Variants in ITGB2 observed in about 807,000 individuals in gnomAD.
ITGB2 encodes the protein integrin beta-2.
A neutral mutation model predicts 86.8 loss-of-function variants in ITGB2; 56 were observed. The ratio of observed to expected loss-of-function variants is 0.65; its 90% CI spans 0.52 to 0.81. ITGB2 has a LOEUF of 0.81. ITGB2 is among the 30% of genes least tolerant of loss of function. The pLI, the probability that ITGB2 is intolerant of heterozygous loss-of-function variation, is 0.00. For synonymous variants in ITGB2, 457 were observed against 450.4 expected, an observed-to-expected ratio of 1.01 and a Z score of -0.19; for missense variants, 948 against 1,061.2, an observed-to-expected ratio of 0.89 and a Z score of 1.48.
At chr21:44,894,923 A>T in intron 9 of ITGB2, 48 bp downstream of exon 9, 1 of 1,289,576 alleles carries the variant, frequency 7.8e-7, no homozygotes. Flanking sequence ...CAGTGGGGAG[A>T]TTGCTGGCCA....
chr21:44,891,186 G>A (rs541852813), intron 11 of ITGB2, among the ~76,000 whole-genome samples: 8 of 152,210 alleles, frequency 5.3e-5, no homozygotes, highest in South Asian at 2.1e-4. Flanking sequence ...CGGGCAGGCC[G>A]CCTGGCTGAG....
rs768833543 is a variant in ITGB2 at position 44,901,642 on chromosome 21, C to G, written c.591G>C (p.Glu197Asp). The change falls in exon 6 of 16, where the codon GAG (glutamate) becomes GAC (aspartate). Residue 197 changes from glutamate to aspartate, a missense_variant. Physicochemically the swap from Glu to Asp is conservative, Grantham distance 45 (BLOSUM62 2). Coordinates refer to ENST00000652462, the MANE Select transcript of ITGB2 (RefSeq NM_000211.5). Reference sequence around the variant, plus strand: ...GCCTGAAGGCAAACGGGGGCTGGCACTCTTTCTCCTTGTTGGGGCATGGGT... The same window carrying G: ...GCCTGAAGGCAAACGGGGGCTGGCAGTCTTTCTCCTTGTTGGGGCATGGGT... ...LRNPCPNKEKECQPPFAFRHV... is the reference protein window; with the variant it reads ...LRNPCPNKEKDCQPPFAFRHV... The G allele has an allele frequency of 5.3e-5, 86 of 1,614,144 alleles. No homozygotes were observed. The highest frequency in any genetic ancestry group is 7.2e-5 in the Non-Finnish European group (85 of 1,180,056).
At position 44,915,510 on chromosome 21, in the gene ITGB2, C is replaced by T. The variant is rs73376524; in HGVS notation, c.-3-4725G>A. ...TCGGAGGTGCGCGGGAAGTGATGGA[C>T]GATGCCGCCAGGGGACAAGGTTGGA... On this transcript the variant is annotated intron_variant, in intron 1 of 15. Coordinates refer to ENST00000652462, the MANE Select transcript of ITGB2 (RefSeq NM_000211.5). Among the ~76,000 whole-genome samples, 576 of 152,254 alleles carry T rather than the reference C, an allele frequency of 3.8e-3. 5 individuals carry two copies. The highest frequency in any genetic ancestry group is 0.013 in the African/African-American group (539 of 41,520).
intron 1 of ITGB2, among the ~76,000 whole-genome samples, chr21:44,913,704 C>T (rs1043712249): frequency 3.9e-5 from 6 of 152,198 alleles, no homozygotes; most frequent in Non-Finnish European, 8.8e-5. Flanking sequence ...TGTGGGAGAA[C>T]AGGGCAGGGC....
At position 44,919,319 on chromosome 21, in the gene ITGB2, C is replaced by T. The variant is rs941802290; in HGVS notation, c.-4+1502G>A. ...TCTTCCCAGCAGAGGGACTCCCCCA[C>T]TCATCCCCAGAATACTGAGGGGCAC... On this transcript the variant is annotated intron_variant, in intron 1 of 15. Transcript: ENST00000652462. Among the ~76,000 whole-genome samples the T allele has an allele frequency of 1.2e-4, 18 of 152,376 alleles. 1 individual carries two copies. In the South Asian group the frequency reaches 3.1e-3, roughly 26 times the overall value.
In ITGB2 at chr21:44,910,765, G is replaced by A. The variant is rs2146547408; in HGVS notation, c.18C>T (p.Pro6=). The A allele has an allele frequency of 6.2e-7, 1 of 1,613,886 alleles. No homozygotes were observed. The highest frequency in any genetic ancestry group is 8.5e-7 in the Non-Finnish European group (1 of 1,179,950). MLGLR[P]PLLALVGLLS... ...GCAGCCCCACCAGGGCGAGCAGTGG[G>A]GGGCGCAGGCCCAGCATGTCCTGTG... Residue 6 remains proline (P), a synonymous_variant, in exon 2 of 16, where the codon CCC becomes CCT. Transcript: ENST00000652462.
At position 44,911,675 on chromosome 21, in the gene ITGB2, A is replaced by C. The variant is rs535404670; in HGVS notation, c.-3-890T>G. 3.3e-5 allele frequency among the ~76,000 whole-genome samples: 5 copies of C among 152,322 alleles called. No homozygotes were observed. The South Asian group carries it at 1.0e-3, about 32-fold the overall frequency. On this transcript the variant is annotated intron_variant, in intron 1 of 15. Coordinates refer to ENST00000652462, the MANE Select transcript of ITGB2 (RefSeq NM_000211.5). ...GCCGGGGTCCTGCCCTTTTGTTTCC[A>C]GATACACACCCACCCCGTCCTTAAC...
intron 9 of ITGB2, chr21:44,893,982 A>T (rs966587094): frequency 3.3e-6 from 1 of 307,184 alleles, no homozygotes; most frequent in African/African-American, 2.2e-5. Context: ...ACAGACAGAG[A>T]TGGGGCAGAG....
upstream of ITGB2, among the ~76,000 whole-genome samples, chr21:44,923,895 G>A (rs965422220): frequency 2.6e-5 from 4 of 152,094 alleles, no homozygotes; most frequent in Non-Finnish European, 2.9e-5. Context: ...GAAAATACAC[G>A]TATGTGCTAG....
In ITGB2 at chr21:44,901,606, C is replaced by A; in HGVS notation, c.627G>T (p.Lys209Asn). ...GAAACTGGTTGGAGTTGTTGGTCAGCTTCAGCACGTGCCTGAAGGCAAACG... is the reference window on the plus strand; with the variant it reads ...GAAACTGGTTGGAGTTGTTGGTCAGATTCAGCACGTGCCTGAAGGCAAACG... ...QPPFAFRHVL[K>N]LTNNSNQFQT... is the part of the protein sequence containing the mutation. The change falls in exon 6 of 16, where the codon AAG becomes AAT. Residue 209 changes from lysine (K) to asparagine (N), a missense_variant. Lys to Asn is a moderately conservative substitution (Grantham distance 94). Transcript: ENST00000652462. 6.2e-7 allele frequency: 1 copy of A among 1,614,262 alleles called. No individual in the cohort carries two copies. Among genetic ancestry groups the A allele is most frequent in the Non-Finnish European group, 8.5e-7 (1 of 1,180,048 alleles).
At chr21:44,900,546 G>C in intron 6 of ITGB2, 71 bp from the exon 7 acceptor site, 10 of 1,586,888 alleles carry the variant, frequency 6.3e-6, no homozygotes, top group Non-Finnish European at 8.6e-6. Context: ...GAGCAGAGGA[G>C]ACGATGCAGA....
At chr21:44,897,084 G>A (rs896374011) in intron 8 of ITGB2, among the ~76,000 whole-genome samples, 19 of 152,046 alleles carry the variant, frequency 1.2e-4, no homozygotes, top group African/African-American at 4.6e-4. Flanking sequence ...AGCTCTGGGT[G>A]CCCACTCGGA....
At position 44,889,505 on chromosome 21, in the gene ITGB2, G is replaced by C. The variant is rs377760671; in HGVS notation, c.1658-10C>G. On this transcript the variant is annotated splice_polypyrimidine_tract_variant and intron_variant, in intron 12 of 15. Coordinates refer to ENST00000652462, the MANE Select transcript of ITGB2 (RefSeq NM_000211.5). The stretch of plus-strand genomic sequence containing the variant: ...AAGCAGAGCCCCCTCCCTGGAAGAC[G>C]GGGCAGCACGGCTAAGCTCCTGCTT... 5.8e-6 allele frequency: 9 copies of C among 1,552,932 alleles called. No individual in the cohort carries two copies. The highest frequency in any genetic ancestry group is 1.4e-5 in the African/African-American group (1 of 73,288).
exon 1 of ITGB2, chr21:44,928,667 C>T (rs1161857387): frequency 6.1e-6 from 1 of 163,198 alleles, no homozygotes; most frequent in Non-Finnish European, 1.3e-5. Flanking sequence ...AACTGAGGCT[C>T]TGCCCTGGAC....
In ITGB2 at chr21:44,886,218, C is replaced by G; in HGVS notation, c.*150G>C. On this transcript the variant is annotated 3_prime_UTR_variant, in exon 16 of 16. Coordinates refer to ENST00000652462, the MANE Select transcript of ITGB2 (RefSeq NM_000211.5). ...CCCCCGACGAGCCCCCAGAAGCACC[C>G]GGCCGGCCATGGCTGTCATTTTGAG... The G allele has an allele frequency of 1.3e-6, 1 of 766,506 alleles. No individual in the cohort carries two copies. The highest frequency in any genetic ancestry group is 2.6e-5 in the East Asian group (1 of 37,898). 47.5% of individuals were successfully genotyped at this position (766,506 alleles called of 1,614,324 possible). A position where few individuals can be genotyped will look rare whatever the true frequency, so the allele number is the denominator to read the frequency against.
chr21:44,899,227 CT>C (rs2083912266), intron 7 of ITGB2, 65 bp from the exon 8 acceptor site: 2 of 1,200,454 alleles, frequency 1.7e-6, no homozygotes, highest in African/African-American at 1.5e-5. Context: ...GTACCCGCCC[CT>C]GTCTGCCCCG....
intron 1 of ITGB2, among the ~76,000 whole-genome samples, chr21:44,915,583 A>AATTTG (rs1245057292): frequency 3.3e-5 from 5 of 152,236 alleles, no homozygotes; most frequent in African/African-American, 1.2e-4. Context: ...CTGAAGGCTC[A>AATTTG]AGGGATGATT....
At chr21:44,887,662 C>G (rs1210963840) in intron 14 of ITGB2, among the ~76,000 whole-genome samples, 5 of 152,208 alleles carry the variant, frequency 3.3e-5, no homozygotes, top group Non-Finnish European at 7.3e-5. Flanking sequence ...TCCTGCCTTT[C>G]CTGGGGGACC....
intron 8 of ITGB2, 107 bp downstream of exon 8, chr21:44,898,960 G>C (rs375823226): frequency 1.1e-6 from 1 of 922,236 alleles, no homozygotes; most frequent in Non-Finnish European, 1.7e-6. Context: ...GGTTGCTCAC[G>C]TGCCCAGCAT....
Sources: allele counts gnomAD v4.1 joint callset (sites outside exome capture counted in the v4.1 genomes callset), GRCh38; gene constraint gnomAD v4.1.1; transcripts MANE v1.5; gene names NCBI Gene and HGNC (gene_info 2026-07-23, HGNC 2026-07-21).